The following ZFHX3 variants were observed in gnomAD, a reference collection of about 807,000 sequenced individuals.
ZFHX3 encodes the protein zinc finger homeobox 3.
Under a neutral mutation model 279.1 loss-of-function variants are expected in ZFHX3, and 42 were observed. The ratio of observed to expected loss-of-function variants is 0.15; its 90% CI spans 0.12 to 0.19. The LOEUF (loss-of-function observed/expected upper bound fraction) is 0.19, where lower values mean the gene tolerates loss of function less well. ZFHX3 is among the 10% of genes least tolerant of loss of function. The pLI is 1.00. For missense variants in ZFHX3, 4,981 were observed against 4,754.0 expected (o/e 1.05, Z -1.40); for synonymous variants, 2,293 against 1,957.8 (o/e 1.17, Z -4.52).
chr16:73,596,735 T>C (rs1481978137), intron 2 of ZFHX3, among the ~76,000 whole-genome samples: 1 of 152,210 alleles, frequency 6.6e-6, no homozygotes, highest in African/African-American at 2.4e-5. Context: ...CCGTGATCTA[T>C]TACTCTATCT....
intron 1 of ZFHX3, among the ~76,000 whole-genome samples, chr16:73,768,354 A>G (rs914324951): frequency 1.3e-5 from 2 of 152,188 alleles, no homozygotes; most frequent in African/African-American, 4.8e-5. Flanking sequence ...CACCAATGGA[A>G]AGTACCAGAA....
chr16:73,013,463 T>C (rs1418828238), intron 1 of ZFHX3, among the ~76,000 whole-genome samples: 1 of 152,036 alleles, frequency 6.6e-6, no homozygotes, highest in Non-Finnish European at 1.5e-5. Context: ...AATTTTTCTA[T>C]TTTTTGTGGA....
chr16:73,835,413 C>T (rs1170854050), intron 1 of ZFHX3, among the ~76,000 whole-genome samples: 1 of 150,920 alleles, frequency 6.6e-6, no homozygotes, highest in Non-Finnish European at 1.5e-5. Context: ...CCTTTCCCCA[C>T]CATCCCTCTT....
chr16:73,120,572 C>A (rs1342826320), intron 7 of ZFHX3, among the ~76,000 whole-genome samples: 1 of 151,954 alleles, frequency 6.6e-6, no homozygotes, highest in Non-Finnish European at 1.5e-5. Flanking sequence ...CTGTGCCTGG[C>A]CAAACCCCAT....
At chr16:73,200,148 A>T (rs1968239476) in intron 5 of ZFHX3, among the ~76,000 whole-genome samples, 1 of 152,204 alleles carries the variant, frequency 6.6e-6, no homozygotes, top group African/African-American at 2.4e-5. Flanking sequence ...TGTTATGAAG[A>T]AGAATAAAAA....
intron 1 of ZFHX3, among the ~76,000 whole-genome samples, chr16:73,774,866 T>C (rs935407020): frequency 6.6e-6 from 1 of 152,210 alleles, no homozygotes; most frequent in African/African-American, 2.4e-5. Context: ...GAACCTTGCA[T>C]GAATTGCTCC....
At position 72,896,118 on chromosome 16, in the gene ZFHX3, G is replaced by T. The variant is rs373307816; in HGVS notation, c.3217-6156C>A. On this transcript the variant is annotated intron_variant, in intron 3 of 9. Coordinates refer to ENST00000268489, the MANE Select transcript of ZFHX3 (RefSeq NM_006885.4). ...CTCCAAGTCCTCCAAATGCTGTGCA[G>T]CGGATAACAGACTGTCCTCATCTGG... Among the ~76,000 whole-genome samples the T allele has an allele frequency of 2.1e-3, 320 of 152,322 alleles. 3 individuals are homozygous for T. The highest frequency in any genetic ancestry group is 7.2e-3 in the African/African-American group (298 of 41,564).
chr16:73,279,463 A>ATT (rs140980152), intron 4 of ZFHX3, among the ~76,000 whole-genome samples: 1 of 152,126 alleles, frequency 6.6e-6, no homozygotes, highest in Non-Finnish European at 1.5e-5. Flanking sequence ...GGAACATTGC[A>ATT]TTTTTTATAT....
chr16:73,745,240 C>T, intron 1 of ZFHX3, among the ~76,000 whole-genome samples: 1 of 152,190 alleles, frequency 6.6e-6, no homozygotes, highest in East Asian at 1.9e-4. Context: ...GTCTCTTGTG[C>T]TGGGTGTCAG....
intron 2 of ZFHX3, among the ~76,000 whole-genome samples, chr16:73,466,229 C>G (rs1330071747): frequency 6.6e-6 from 1 of 152,022 alleles, no homozygotes; most frequent in Non-Finnish European, 1.5e-5. Context: ...TGCCTGTAAT[C>G]CCAGCACTTT....
Position 72,982,705 on chromosome 16 carries a change from T to C in ZFHX3, c.-49-22511A>G, listed in dbSNP as rs1962664152. ...AATGGTGGAGGGCCCGAGAAACAAA[T>C]CCACTAAAGCACCAAGTGCTGAAGC... On this transcript the variant is annotated intron_variant, in intron 1 of 9. Transcript: ENST00000268489. 2.0e-5 allele frequency among the ~76,000 whole-genome samples: 3 copies of C among 152,070 alleles called. No homozygotes were observed. The South Asian group carries it at 6.2e-4, about 32-fold the overall frequency.
intron 3 of ZFHX3, among the ~76,000 whole-genome samples, chr16:72,934,473 C>G (rs1320363412): frequency 6.6e-6 from 1 of 152,138 alleles, no homozygotes; most frequent in Non-Finnish European, 1.5e-5. Context: ...GAAGAAGTTC[C>G]AGTTATTAAA....
intron 3 of ZFHX3, among the ~76,000 whole-genome samples, chr16:73,429,225 T>C (rs895501207): frequency 2.6e-5 from 4 of 152,104 alleles, no homozygotes; most frequent in African/African-American, 9.7e-5. Context: ...GTAGGTAAAG[T>C]AAGCTATAGG....
At chr16:73,321,251 A>G (rs2015568314) in intron 3 of ZFHX3, among the ~76,000 whole-genome samples, 1 of 152,148 alleles carries the variant, frequency 6.6e-6, no homozygotes, top group Non-Finnish European at 1.5e-5. Context: ...GAGTCCATGT[A>G]AGCAGTACAG....
chr16:72,837,474 ATTTT>A lies in ZFHX3; in HGVS notation c.3449-7619_3449-7616del, dbSNP rs761762599. On this transcript the variant is annotated intron_variant, in intron 4 of 9. Coordinates refer to ENST00000268489, the MANE Select transcript of ZFHX3 (RefSeq NM_006885.4). ...GACATGCGCCCTGGCTCCAATGATG[ATTTT>A]TTTTTTTTTTTTTTTTTTGAGACGG... 4.9e-3 allele frequency among the ~76,000 whole-genome samples: 613 copies of A among 125,158 alleles called. 8 individuals are homozygous for A. Among genetic ancestry groups the A allele is most frequent in the African/African-American group, 0.016 (555 of 33,990 alleles). 82.1% of individuals were successfully genotyped at this position (125,158 alleles called of 152,430 possible). A position where few individuals can be genotyped will look rare whatever the true frequency, so the allele number is the denominator to read the frequency against.
chr16:72,942,389 A>G (rs1960453184), intron 3 of ZFHX3, among the ~76,000 whole-genome samples: 1 of 152,226 alleles, frequency 6.6e-6, no homozygotes, highest in Non-Finnish European at 1.5e-5. Flanking sequence ...TATGCGAAGA[A>G]TTCCACGGTG....
intron 3 of ZFHX3, among the ~76,000 whole-genome samples, chr16:73,444,226 G>A (rs1034235805): frequency 5.3e-5 from 8 of 152,218 alleles, no homozygotes; most frequent in African/African-American, 1.9e-4. Context: ...AAGTGAACAA[G>A]CTGCTGTTCC....
intron 2 of ZFHX3, among the ~76,000 whole-genome samples, chr16:73,507,485 C>CATT (rs2019347384): frequency 1.3e-5 from 1 of 79,762 alleles, no homozygotes; most frequent in Non-Finnish European, 2.1e-5. Context: ...AGCTCTGCCA[C>CATT]TTTTTTTTTT....
chr16:73,849,430 G>C (rs1961538242), intron 1 of ZFHX3, among the ~76,000 whole-genome samples: 1 of 152,080 alleles, frequency 6.6e-6, no homozygotes, highest in African/African-American at 2.4e-5. Flanking sequence ...CTCCCGCTTT[G>C]CATACTGGAA....
Sources: allele counts gnomAD v4.1 joint callset (sites outside exome capture counted in the v4.1 genomes callset), GRCh38; gene constraint gnomAD v4.1.1; transcripts MANE v1.5; gene names NCBI Gene and HGNC (gene_info 2026-07-23, HGNC 2026-07-21).